UCK1: variants seen among roughly 807,000 people sequenced by gnomAD.
UCK1 encodes cytidine monophosphokinase 1.
Under a neutral mutation model 34.0 loss-of-function variants are expected in UCK1, and 20 were observed. The ratio of observed to expected loss-of-function variants is 0.59; its 90% confidence interval spans 0.41 to 0.86. The LOEUF (loss-of-function observed/expected upper bound fraction) is 0.86. Ranked by LOEUF, UCK1 falls within the 40% of genes least tolerant of loss-of-function variation. The probability of loss-of-function intolerance (pLI) is 0.00; values close to 1 mark genes in which losing one functional copy is unlikely to be tolerated. For missense variants in UCK1, 343 were observed against 383.6 expected (o/e 0.89, Z 0.88); for synonymous variants, 168 against 155.9 (o/e 1.08, Z -0.58).
chr9:131,523,813 G>A lies in UCK1; in HGVS notation c.*1227C>T, dbSNP rs747681163. On this transcript the variant is annotated 3_prime_UTR_variant, in exon 7 of 7. Transcript: ENST00000372215. ...GAACCAACTGGCGTTTGTAGTTGGT[G>A]TTTGTTATTTATTGATTCTCCCTCC... The A allele has an allele frequency of 2.6e-5, 4 of 153,128 alleles. No homozygotes were observed. Among genetic ancestry groups the A allele is most frequent in the Non-Finnish European group, 5.8e-5 (4 of 68,724 alleles). 9.5% of individuals were successfully genotyped at this position (153,128 alleles called of 1,614,324 possible).
At chr9:131,527,282 C>G (rs1157176880) in intron 5 of UCK1, among the ~76,000 whole-genome samples, 1 of 151,710 alleles carries the variant, frequency 6.6e-6, no homozygotes, top group African/African-American at 2.4e-5. Context: ...GAAGCAAGAT[C>G]TCACCACTGC....
intron 6 of UCK1, 149 bp downstream of exon 6, chr9:131,525,779 AT>A: frequency 3.5e-6 from 3 of 861,512 alleles, no homozygotes; most frequent in Non-Finnish European, 5.4e-6. Flanking sequence ...AGCTACATAC[AT>A]TTTTAAGCAT....
Position 131,525,048 on chromosome 9 carries a change from G to T in UCK1, c.826C>A (p.Pro276Thr), listed in dbSNP as rs1381331580. 6.2e-7 allele frequency: 1 copy of T among 1,610,722 alleles called. No individual in the cohort carries two copies. The highest frequency in any genetic ancestry group is 8.5e-7 in the Non-Finnish European group (1 of 1,178,130). The stretch of plus-strand genomic sequence containing the variant: ...TGAGGCTCGGCAGCCCCTCAGTGGG[G>T]TCTGCTGCTGGACTCCAAATGTGAC... The part of the protein sequence containing the change: ...KRSHLESSSR[P>T]H The change falls in exon 7 of 7, where the codon CCC becomes ACC. Residue 276 changes from proline (P) to threonine (T), a missense_variant. Physicochemically the swap from Pro to Thr is conservative, Grantham distance 38. Coordinates refer to ENST00000372215, the MANE Select transcript of UCK1 (RefSeq NM_031432.5).
At chr9:131,528,851 A>T in intron 5 of UCK1, 93 bp downstream of exon 5, 1 of 1,454,286 alleles carries the variant, frequency 6.9e-7, no homozygotes, top group Non-Finnish European at 9.4e-7. Flanking sequence ...CAATCAGATC[A>T]CTGTCACCCA....
At chr9:131,530,945 G>T in intron 1 of UCK1, 122 bp downstream of exon 1, 1 of 1,016,478 alleles carries the variant, frequency 9.8e-7, no homozygotes, top group Non-Finnish European at 1.3e-6. Context: ...CAGCCCCTTC[G>T]CTCCCGCGCC....
chr9:131,525,964 G>A lies in UCK1; in HGVS notation c.617C>T (p.Ala206Val), dbSNP rs1950589973. 2.5e-6 allele frequency: 4 copies of A among 1,614,048 alleles called. No homozygotes were observed. In the East Asian group the frequency reaches 8.9e-5, roughly 36 times the overall value. ...EEFCLPTKKY[A>V]DVIIPRGVDN... ...CACTCCTCGCGGGATGATCACATCG[G>A]CATACTTCTTTGTCTGTAAGGCACA... Residue 206 changes from alanine (A) to valine (V), a missense_variant, in exon 6 of 7, where the codon GCC becomes GTC. Coordinates refer to ENST00000372215, the MANE Select transcript of UCK1 (RefSeq NM_031432.5).
chr9:131,524,732 G>T lies in UCK1; in HGVS notation c.*308C>A. 3.3e-6 allele frequency: 1 copy of T among 307,586 alleles called. No individual in the cohort carries two copies. The highest frequency in any genetic ancestry group is 6.0e-6 in the Non-Finnish European group (1 of 166,136). The allele number at this position is 307,586 out of a possible 1,614,324, so 19.1% of individuals were successfully genotyped here. A position where few individuals can be genotyped will look rare whatever the true frequency, so the allele number is the denominator to read the frequency against. The stretch of plus-strand genomic sequence containing the variant: ...GTCTCCTCAATTTCCCCAATAATGT[G>T]CCTCACATTCCTCACAGAAGCCTCC... On this transcript the variant is annotated 3_prime_UTR_variant, in exon 7 of 7. Coordinates refer to ENST00000372215, the MANE Select transcript of UCK1 (RefSeq NM_031432.5).
chr9:131,528,989 C>A lies in UCK1; in HGVS notation c.558G>T (p.Gln186His). ...RGRDLEQILT[Q>H]YTTFVKPAFE... ...AGGCCGGCTTCACGAAGGTGGTGTACTGCGTCAGAATCTGCTCCAGGTCCC... is the reference window on the plus strand; with the variant it reads ...AGGCCGGCTTCACGAAGGTGGTGTAATGCGTCAGAATCTGCTCCAGGTCCC... Residue 186 changes from glutamine (Q) to histidine (H), a missense_variant, in exon 5 of 7, where the codon CAG (glutamine) becomes CAT (histidine). Physicochemically the swap from Gln to His is conservative, Grantham distance 24. Transcript: ENST00000372215. 6.2e-7 allele frequency: 1 copy of A among 1,614,184 alleles called. No individual in the cohort carries two copies. Among genetic ancestry groups the A allele is most frequent in the Non-Finnish European group, 8.5e-7 (1 of 1,180,036 alleles).
In UCK1 at chr9:131,531,236, C is replaced by A. The variant is rs1300380948; in HGVS notation, c.-62G>T. On this transcript the variant is annotated 5_prime_UTR_variant, in exon 1 of 7. Coordinates refer to ENST00000372215, the MANE Select transcript of UCK1 (RefSeq NM_031432.5). ...CGCCCCTTCCCCAGGCCCGGCGCGC[C>A]CGCCCAGCGCCGAGGTCGGAGGCAA... The A allele has an allele frequency of 1.2e-5, 15 of 1,297,722 alleles. No individual in the cohort carries two copies. Among genetic ancestry groups the A allele is most frequent in the Non-Finnish European group, 1.4e-5 (14 of 1,016,296 alleles). 80.4% of individuals were successfully genotyped at this position (1,297,722 alleles called of 1,614,324 possible).
At position 131,531,249 on chromosome 9, in the gene UCK1, A is replaced by C; in HGVS notation, c.-75T>G. The C allele has an allele frequency of 7.9e-7, 1 of 1,265,252 alleles. No individual in the cohort carries two copies. The highest frequency in any genetic ancestry group is 1.6e-5 in the African/African-American group (1 of 62,728). 78.4% of individuals were successfully genotyped at this position (1,265,252 alleles called of 1,614,324 possible). On this transcript the variant is annotated 5_prime_UTR_variant, in exon 1 of 7. Transcript: ENST00000372215. ...GGCCCGGCGCGCCCGCCCAGCGCCG[A>C]GGTCGGAGGCAACCGGAGCGATCAC...
At chr9:131,527,583 T>A (rs535654457) in intron 5 of UCK1, among the ~76,000 whole-genome samples, 1 of 152,120 alleles carries the variant, frequency 6.6e-6, no homozygotes, top group East Asian at 1.9e-4. Context: ...TTTCTTTATA[T>A]AGCAGCCAAT....
At position 131,531,255 on chromosome 9, in the gene UCK1, G is replaced by C. The variant is rs1950837108; in HGVS notation, c.-81C>G. The C allele has an allele frequency of 3.3e-6, 4 of 1,221,528 alleles. No individual in the cohort carries two copies. The East Asian group carries it at 1.3e-4, about 40-fold the overall frequency. The allele number at this position is 1,221,528 out of a possible 1,614,324, so 75.7% of individuals were successfully genotyped here. On this transcript the variant is annotated 5_prime_UTR_variant, in exon 1 of 7. Coordinates refer to ENST00000372215, the MANE Select transcript of UCK1 (RefSeq NM_031432.5). ...GCGCGCCCGCCCAGCGCCGAGGTCG[G>C]AGGCAACCGGAGCGATCACTTCCGG...
chr9:131,526,526 G>C (rs2131979404), intron 5 of UCK1: 9 of 1,289,352 alleles, frequency 7.0e-6, no homozygotes, highest in Non-Finnish European at 9.1e-6. Context: ...GACAAGGATG[G>C]AGATATATCA....
rs1419547116 is a variant in UCK1, at chr9:131,530,051, G to A, written c.268+435C>T. Reference sequence around the variant, plus strand: ...CCGCATCTGCCCGTTTACCTGGCCCGGAGCTTCAAGCCACCAGCACTAGTT... The same window carrying A: ...CCGCATCTGCCCGTTTACCTGGCCCAGAGCTTCAAGCCACCAGCACTAGTT... On this transcript the variant is annotated intron_variant, in intron 2 of 6. Transcript: ENST00000372215. 5.3e-5 allele frequency among the ~76,000 whole-genome samples: 8 copies of A among 152,308 alleles called. No individual in the cohort carries two copies. The South Asian group carries it at 8.3e-4, about 16-fold the overall frequency.
rs754753454 is a variant in UCK1, at chr9:131,525,941, C to G, written c.640G>C (p.Val214Leu). ...GCCAGCTTCTTACCCATATTGTCCA[C>G]TCCTCGCGGGATGATCACATCGGCA... The part of the protein sequence containing the change: ...KYADVIIPRG[V>L]DNMVAINLIV... The change falls in exon 6 of 7, where the codon GTG becomes CTG. Residue 214 changes from valine (V) to leucine (L), a missense_variant. Coordinates refer to ENST00000372215, the MANE Select transcript of UCK1 (RefSeq NM_031432.5). 7 of 1,614,092 alleles carry G rather than the reference C, an allele frequency of 4.3e-6. No homozygotes were observed. Among genetic ancestry groups the G allele is most frequent in the Non-Finnish European group, 5.9e-6 (7 of 1,179,982 alleles).
In UCK1 at chr9:131,525,009, C is replaced by T. The variant is rs374427335; in HGVS notation, c.*31G>A. 5.0e-5 allele frequency: 80 copies of T among 1,596,250 alleles called. No individual in the cohort carries two copies. Among genetic ancestry groups the T allele is most frequent in the Non-Finnish European group, 6.2e-5 (73 of 1,168,940 alleles). On this transcript the variant is annotated 3_prime_UTR_variant, in exon 7 of 7. Transcript: ENST00000372215. ...TCAGTCCCTGAACACACATGCCGGG[C>T]GGGAGACCTGCCCTGAGGCTCGGCA... is the stretch of plus-strand genomic sequence containing the variant.
chr9:131,531,253 C>A lies in UCK1; in HGVS notation c.-79G>T. On this transcript the variant is annotated 5_prime_UTR_variant, in exon 1 of 7. Coordinates refer to ENST00000372215, the MANE Select transcript of UCK1 (RefSeq NM_031432.5). ...CGGCGCGCCCGCCCAGCGCCGAGGT[C>A]GGAGGCAACCGGAGCGATCACTTCC... The A allele has an allele frequency of 8.2e-7, 1 of 1,221,246 alleles. No homozygotes were observed. Among genetic ancestry groups the A allele is most frequent in the South Asian group, 2.1e-5 (1 of 46,718 alleles). 75.7% of individuals were successfully genotyped at this position (1,221,246 alleles called of 1,614,324 possible).
chr9:131,526,318 G>T, intron 5 of UCK1: 1 of 947,294 alleles, frequency 1.1e-6, no homozygotes, highest in Non-Finnish European at 1.5e-6. Flanking sequence ...AGCTAAGTGT[G>T]GCACTTCTAC....
At chr9:131,528,840 TCAATCAGA>T in intron 5 of UCK1, 96 bp downstream of exon 5, 6 of 1,395,156 alleles carry the variant, frequency 4.3e-6, no homozygotes, top group Admixed American at 2.2e-5. Context: ...CTCCTTTTTT[TCAATCAGA>T]TCACTGTCAC....
Sources: gnomAD v4.1 joint callset for allele counts (sites outside exome capture counted in the v4.1 genomes callset) on GRCh38, gnomAD v4.1.1 for gene constraint, MANE v1.5 for transcripts, NCBI Gene and HGNC (gene_info 2026-07-23, HGNC 2026-07-21) for gene names.